HYOU1: variants seen among roughly 807,000 people sequenced by gnomAD.
HYOU1 encodes the protein hypoxia up-regulated 1.
HYOU1 carries 40 observed loss-of-function variants against 120.5 expected under a neutral mutation model. The observed-to-expected ratio is 0.33, with a 90% CI of 0.26 to 0.43. HYOU1 has a LOEUF of 0.43. Ranked by LOEUF, HYOU1 falls within the 20% of genes least tolerant of loss-of-function variation. HYOU1 has a pLI of 1.00. For missense variants in HYOU1, 1,085 were observed against 1,278.3 expected (o/e 0.85, Z 2.31); for synonymous variants, 501 against 479.4 (o/e 1.05, Z -0.59).
chr11:119,052,287 T>G lies in HYOU1; in HGVS notation c.1122+8A>C. 6.2e-7 allele frequency: 1 copy of G among 1,614,180 alleles called. No individual in the cohort carries two copies. Among genetic ancestry groups the G allele is most frequent in the Non-Finnish European group, 8.5e-7 (1 of 1,180,034 alleles). On this transcript the variant is annotated splice_region_variant and intron_variant, in intron 10 of 25. Coordinates refer to ENST00000617285, the MANE Select transcript of HYOU1 (RefSeq NM_006389.5). This position sits in a 1 kb window ranked among gnomAD's most constrained non-coding sequence, Gnocchi z 5.0. Reference sequence around the variant, plus strand: ...ACGGGGCATTCCCGCCTTCCCCTACTCGCTCACCAGACTCATTTCGGCACT... The same window carrying G: ...ACGGGGCATTCCCGCCTTCCCCTACGCGCTCACCAGACTCATTTCGGCACT...
rs782013354 is a variant in HYOU1 at position 119,056,131 on chromosome 11, C to T, written c.30G>A (p.Pro10=). 6.6e-5 allele frequency: 106 copies of T among 1,613,942 alleles called. No individual in the cohort carries two copies. The highest frequency in any genetic ancestry group is 1.2e-4 in the Admixed American group (7 of 60,010). Residue 10 remains proline (P), a synonymous_variant, in exon 2 of 26, where the codon CCG becomes CCA. Coordinates refer to ENST00000617285, the MANE Select transcript of HYOU1 (RefSeq NM_006389.5). The part of the protein sequence containing the change: MADKVRRQR[P]RRRVCWALVA... ...CCAAGGCCCAACAGACTCGCCTCCT[C>T]GGCCTCTGCCTCCTAACTTTGTCTG...
rs1415635679 is a variant in HYOU1 at position 119,055,100 on chromosome 11, G to A, written c.420-40C>T. ...GGTAGTTGGAGCCAAGGAAAGCCAG[G>A]CATTAAGGCAGGACAATCAGGAACA... On this transcript the variant is annotated intron_variant, in intron 5 of 25. Coordinates refer to ENST00000617285, the MANE Select transcript of HYOU1 (RefSeq NM_006389.5). The surrounding 1 kb of genome is among the most constrained non-coding windows in gnomAD (Gnocchi z 4.0). The A allele has an allele frequency of 9.9e-6, 16 of 1,613,300 alleles. No individual in the cohort carries two copies. Among genetic ancestry groups the A allele is most frequent in the Non-Finnish European group, 1.4e-5 (16 of 1,179,432 alleles).
chr11:119,055,214 C>T lies in HYOU1; in HGVS notation c.390G>A (p.Gln130=), dbSNP rs2133611202. ...TGATCTGAAAGTGCACAGTCTGCCT[C>T]TGTGGGTCGAAAGTCAGCTCGTGCT... ...FPEHELTFDP[Q]RQTVHFQISS... Residue 130 remains glutamine (Q), a synonymous_variant, in exon 5 of 26, where the codon CAG becomes CAA. Transcript: ENST00000617285. The surrounding 1 kb of genome is among the most constrained non-coding windows in gnomAD (Gnocchi z 4.0). 6.2e-7 allele frequency: 1 copy of T among 1,614,144 alleles called. No individual in the cohort carries two copies. The highest frequency in any genetic ancestry group is 2.2e-5 in the East Asian group (1 of 44,884).
Position 119,051,495 on chromosome 11 carries a change from T to C in HYOU1, c.1469A>G (p.Asp490Gly). ...KVITFNRYSH[D>G]FNFHINYGDL... Reference sequence around the variant, plus strand: ...GCCGTAGTTGATGTGGAAGTTGAAATCATGGCTGTAGCGGTTAAAGGTGAT... The same window carrying C: ...GCCGTAGTTGATGTGGAAGTTGAAACCATGGCTGTAGCGGTTAAAGGTGAT... The change falls in exon 13 of 26, where the codon GAT becomes GGT. Residue 490 changes from aspartate (D) to glycine (G), a missense_variant. This residue lies in a region of HYOU1 where 515 missense variants were observed against 677.8 expected (regional missense o/e 0.76). Coordinates refer to ENST00000617285, the MANE Select transcript of HYOU1 (RefSeq NM_006389.5). The surrounding 1 kb of genome is among the most constrained non-coding windows in gnomAD (Gnocchi z 4.2). The C allele has an allele frequency of 6.2e-7, 1 of 1,614,068 alleles. No homozygotes were observed. Among genetic ancestry groups the C allele is most frequent in the Non-Finnish European group, 8.5e-7 (1 of 1,179,990 alleles).
At position 119,051,981 on chromosome 11, in the gene HYOU1, T is replaced by C. The variant is rs2133589378; in HGVS notation, c.1206-30A>G. The C allele has an allele frequency of 6.2e-7, 1 of 1,612,854 alleles. No homozygotes were observed. Among genetic ancestry groups the C allele is most frequent in the South Asian group, 1.1e-5 (1 of 91,068 alleles). On this transcript the variant is annotated intron_variant, in intron 11 of 25. Coordinates refer to ENST00000617285, the MANE Select transcript of HYOU1 (RefSeq NM_006389.5). This position sits in a 1 kb window ranked among gnomAD's most constrained non-coding sequence, Gnocchi z 4.2. ...GAAAGCCCCAAGCCTCAGCACGGTC[T>C]ACCCTGGAGCATGCAACCGGGACTT...
intron 14 of HYOU1, 127 bp downstream of exon 14, chr11:119,050,908 C>T (rs1332948928): frequency 2.8e-6 from 3 of 1,078,120 alleles, no homozygotes; most frequent in Non-Finnish European, 4.0e-6. Flanking sequence ...CTGTTCAGAG[C>T]CAACATTTTT....
intron 24 of HYOU1, 105 bp from the exon 25 acceptor site, chr11:119,045,936 T>A: frequency 9.2e-7 from 1 of 1,090,478 alleles, no homozygotes; most frequent in Non-Finnish European, 1.4e-6. Context: ...TATTTTAGGA[T>A]GCATGTACCA....
Position 119,045,542 on chromosome 11 carries a change from G to C in HYOU1, c.*51C>G, listed in dbSNP as rs562147605. 1 of 1,458,712 alleles carries C rather than the reference G, an allele frequency of 6.9e-7. No homozygotes were observed. Among genetic ancestry groups the C allele is most frequent in the Admixed American group, 1.7e-5 (1 of 59,826 alleles). The allele number at this position is 1,458,712 out of a possible 1,614,324, so 90.4% of individuals were successfully genotyped here. On this transcript the variant is annotated 3_prime_UTR_variant, in exon 26 of 26. Transcript: ENST00000617285. ...CCCAACCCTCGATGTTAAATAAATAGAAGTGGTGGGGGAAGGGGGTGGAGA... is the reference window on the plus strand; with the variant it reads ...CCCAACCCTCGATGTTAAATAAATACAAGTGGTGGGGGAAGGGGGTGGAGA...
At chr11:119,056,524 G>A (rs1483276210) in intron 1 of HYOU1, 4 of 382,734 alleles carry the variant, frequency 1.0e-5, no homozygotes, top group Non-Finnish European at 2.0e-5. Flanking sequence ...GGTGCGGCCA[G>A]GGATCCCCGC....
intron 1 of HYOU1, chr11:119,056,750 G>A (rs1944797754): frequency 8.9e-6 from 2 of 225,296 alleles, no homozygotes; most frequent in East Asian, 1.2e-4. Flanking sequence ...TGCCAGGGGC[G>A]GTAAGGTTCC....
chr11:119,049,320 GTC>G, intron 16 of HYOU1, 117 bp from the exon 17 acceptor site: 10 of 1,561,938 alleles, frequency 6.4e-6, no homozygotes, highest in Non-Finnish European at 8.6e-6. Flanking sequence ...TATGGAAACG[GTC>G]AATGGCCTGC....
chr11:119,048,231 C>T lies in HYOU1; in HGVS notation c.2376+17G>A. ...AGAGCTCCCACTCCACCTGCCATGT[C>T]CTGAGAGGCCCCTCACCACTGTGGT... On this transcript the variant is annotated intron_variant, in intron 20 of 25. Coordinates refer to ENST00000617285, the MANE Select transcript of HYOU1 (RefSeq NM_006389.5). The surrounding 1 kb of genome is among the most constrained non-coding windows in gnomAD (Gnocchi z 4.7). 6.2e-7 allele frequency: 1 copy of T among 1,609,908 alleles called. No individual in the cohort carries two copies. The highest frequency in any genetic ancestry group is 8.5e-7 in the Non-Finnish European group (1 of 1,179,362).
Position 119,045,422 on chromosome 11 carries a change from G to A in HYOU1, c.*171C>T, listed in dbSNP as rs535575901. The A allele has an allele frequency of 5.5e-6, 4 of 731,920 alleles. No homozygotes were observed. The South Asian group carries it at 5.7e-5, about 11-fold the overall frequency. 45.3% of individuals were successfully genotyped at this position (731,920 alleles called of 1,614,324 possible). Reference sequence around the variant, plus strand: ...TTTTAACCACAGAGGTACTGCAGAAGGAACCAGTGAGCTGTCCCTCCCTTC... The same window carrying A: ...TTTTAACCACAGAGGTACTGCAGAAAGAACCAGTGAGCTGTCCCTCCCTTC... On this transcript the variant is annotated 3_prime_UTR_variant, in exon 26 of 26. Coordinates refer to ENST00000617285, the MANE Select transcript of HYOU1 (RefSeq NM_006389.5).
At position 119,045,777 on chromosome 11, in the gene HYOU1, T is replaced by C; in HGVS notation, c.2938+4A>G. ...TCCCACCGTAGCCCCGGCTCCATCC[T>C]CACCTGCTCCAGGACCTCCTAACTC... On this transcript the variant is annotated splice_donor_region_variant and intron_variant, in intron 25 of 25. Coordinates refer to ENST00000617285, the MANE Select transcript of HYOU1 (RefSeq NM_006389.5). 1.9e-6 allele frequency: 3 copies of C among 1,612,520 alleles called. No individual in the cohort carries two copies. Among genetic ancestry groups the C allele is most frequent in the Non-Finnish European group, 2.5e-6 (3 of 1,179,630 alleles).
chr11:119,054,295 T>G (rs2133604124), intron 7 of HYOU1, 59 bp from the exon 8 acceptor site: 1 of 1,392,774 alleles, frequency 7.2e-7, no homozygotes, highest in South Asian at 1.2e-5. Flanking sequence ...GGGGCCTGCC[T>G]GCCCACCCAC....
At position 119,052,774 on chromosome 11, in the gene HYOU1, C is replaced by T. The variant is rs1287057848; in HGVS notation, c.850G>A (p.Ala284Thr). The change falls in exon 9 of 26, where the codon GCT (alanine) becomes ACT (threonine). Residue 284 changes from alanine (A) to threonine (T), a missense_variant. By Grantham distance (58) the Ala-to-Thr change is moderately conservative (BLOSUM62 0). This residue lies in a region of HYOU1 where 515 missense variants were observed against 677.8 expected (regional missense o/e 0.76). Transcript: ENST00000617285. This position sits in a 1 kb window ranked among gnomAD's most constrained non-coding sequence, Gnocchi z 5.0. ...TTGCGCTGCTCATTGAAAAGCCCAG[C>T]CAGGCGTTCTCGAAGCCGGAGCTCC... ...EMELRLRERL[A>T]GLFNEQRKGQ... 1.2e-6 allele frequency: 2 copies of T among 1,614,104 alleles called. No individual in the cohort carries two copies. Among genetic ancestry groups the T allele is most frequent in the African/African-American group, 2.7e-5 (2 of 74,948 alleles).
Position 119,052,932 on chromosome 11 carries a change from G to A in HYOU1, c.795-103C>T. ...ACATGGCACCTTTCCTTCATCTCAGGGGACCTTGTTCATCTCCAGTGCCCC... is the reference window on the plus strand; with the variant it reads ...ACATGGCACCTTTCCTTCATCTCAGAGGACCTTGTTCATCTCCAGTGCCCC... On this transcript the variant is annotated intron_variant, in intron 8 of 25. Transcript: ENST00000617285. The surrounding 1 kb of genome is among the most constrained non-coding windows in gnomAD (Gnocchi z 5.0). 8.9e-7 allele frequency: 1 copy of A among 1,117,434 alleles called. No homozygotes were observed. Among genetic ancestry groups the A allele is most frequent in the Non-Finnish European group, 1.3e-6 (1 of 796,066 alleles). 69.2% of individuals were successfully genotyped at this position (1,117,434 alleles called of 1,614,324 possible).
In HYOU1 at chr11:119,055,343, A is replaced by AG; in HGVS notation, c.265-5dup. ...TAGCCTTTGGATTCTTAATCGCCTG[A>AG]GGGGTGAAGAAGGAGCAGACTAGTA... On this transcript the variant is annotated splice_region_variant and splice_polypyrimidine_tract_variant and intron_variant, in intron 4 of 25. Transcript: ENST00000617285. The surrounding 1 kb of genome is among the most constrained non-coding windows in gnomAD (Gnocchi z 4.0). 6.2e-7 allele frequency: 1 copy of AG among 1,612,740 alleles called. No homozygotes were observed.
Position 119,055,632 on chromosome 11 carries a change from C to G in HYOU1, c.186-61G>C. 1 of 1,524,688 alleles carries G rather than the reference C, an allele frequency of 6.6e-7. No homozygotes were observed. Among genetic ancestry groups the G allele is most frequent in the Non-Finnish European group, 9.1e-7 (1 of 1,098,664 alleles). The allele number at this position is 1,524,688 out of a possible 1,614,324, so 94.4% of individuals were successfully genotyped here. On this transcript the variant is annotated intron_variant, in intron 3 of 25. Coordinates refer to ENST00000617285, the MANE Select transcript of HYOU1 (RefSeq NM_006389.5). This position sits in a 1 kb window ranked among gnomAD's most constrained non-coding sequence, Gnocchi z 4.0. ...GCAGAAGGACTCAGAAGCCTCGACA[C>G]TCACACACATTTAACCACTCAGATG...
Sources: allele counts gnomAD v4.1 joint callset, GRCh38; gene constraint gnomAD v4.1.1; regional missense constraint gnomAD v4.1.1; non-coding constraint Gnocchi (gnomAD v3.1); transcripts MANE v1.5; gene names NCBI Gene and HGNC (gene_info 2026-07-23, HGNC 2026-07-21).